Variants in FXR1 observed in about 807,000 individuals in gnomAD.
The protein encoded by FXR1 is FMR1 autosomal homolog 1, also known as RNA-binding protein FXR1.
Under a neutral mutation model 84.0 loss-of-function variants are expected in FXR1, and 15 were observed. The observed-to-expected ratio is 0.18, with a 90% CI of 0.12 to 0.27. FXR1 has a LOEUF of 0.27. FXR1 is among the 10% of genes least tolerant of loss of function. FXR1 has a pLI of 1.00. For missense variants in FXR1, 480 were observed against 774.4 expected, an observed-to-expected ratio of 0.62 and a Z score of 4.51; for synonymous variants, 245 against 250.7, an observed-to-expected ratio of 0.98 and a Z score of 0.21.
chr3:180,969,135 G>C (rs1345221650), intron 14 of FXR1, among the ~76,000 whole-genome samples: 2 of 105,080 alleles, frequency 1.9e-5, no homozygotes, highest in Non-Finnish European at 4.7e-5. Context: ...CTTGTTCTTT[G>C]TTTGTTTAGA....
chr3:180,930,729 A>C (rs748429248), intron 1 of FXR1, among the ~76,000 whole-genome samples: 1 of 152,164 alleles, frequency 6.6e-6, no homozygotes, highest in Non-Finnish European at 1.5e-5. Flanking sequence ...GTGCTGACCA[A>C]AGTGATTTTT....
intron 1 of FXR1, among the ~76,000 whole-genome samples, chr3:180,923,638 A>G (rs1251583463): frequency 6.6e-6 from 1 of 152,096 alleles, no homozygotes; most frequent in Non-Finnish European, 1.5e-5. Context: ...AAGATTTACC[A>G]TGGTAGTTGT....
Position 180,964,673 on chromosome 3 carries a change from T to TTATATATATATATATA in FXR1, c.1198+1596_1198+1611dup, listed in dbSNP as rs10600370. Among the ~76,000 whole-genome samples the TTATATATATATATATA allele has an allele frequency of 4.1e-3, 565 of 136,206 alleles. 8 individuals are homozygous for TTATATATATATATATA. Among genetic ancestry groups the TTATATATATATATATA allele is most frequent in the African/African-American group, 0.015 (527 of 34,450 alleles). The allele number at this position is 136,206 out of a possible 152,430, so 89.4% of individuals were successfully genotyped here. A position where few individuals can be genotyped will look rare whatever the true frequency, so the allele number is the denominator to read the frequency against. Reference sequence around the variant, plus strand: ...TATATCAGAGGGACTTGTAGTTGATTTATATATATATATATATATATATAT... The same window carrying TTATATATATATATATA: ...TATATCAGAGGGACTTGTAGTTGATTTATATATATATATATATATATATATATATATATATATATAT... On this transcript the variant is annotated intron_variant, in intron 13 of 16. Transcript: ENST00000357559.
intron 9 of FXR1, among the ~76,000 whole-genome samples, chr3:180,954,520 A>G (rs867136352): frequency 3.9e-5 from 6 of 152,222 alleles, no homozygotes; most frequent in East Asian, 1.9e-4. Context: ...TGTTATTAAT[A>G]TGCACTACAT....
chr3:180,930,973 G>C, intron 1 of FXR1, among the ~76,000 whole-genome samples: 1 of 133,532 alleles, frequency 7.5e-6, no homozygotes, highest in East Asian at 2.5e-4. Flanking sequence ...AGGTTGCTGT[G>C]AGCCCAGATA....
intron 1 of FXR1, chr3:180,915,539 A>G (rs1445931431): frequency 3.5e-6 from 5 of 1,429,060 alleles, no homozygotes; most frequent in Non-Finnish European, 4.8e-6. Context: ...GTAATTTTGG[A>G]ACTCAGCAAA....
intron 11 of FXR1, among the ~76,000 whole-genome samples, chr3:180,962,099 TA>T (rs1712197102): frequency 6.6e-6 from 1 of 152,184 alleles, no homozygotes; most frequent in South Asian, 2.1e-4. Flanking sequence ...ATATGACCCA[TA>T]AATTATTAAA....
intron 7 of FXR1, among the ~76,000 whole-genome samples, chr3:180,950,037 G>A: frequency 6.6e-6 from 1 of 152,192 alleles, no homozygotes; most frequent in East Asian, 1.9e-4. Context: ...AGGACTAGGA[G>A]TGAGGCATCA....
chr3:180,949,813 C>T (rs1722042391), intron 7 of FXR1, among the ~76,000 whole-genome samples: 1 of 152,196 alleles, frequency 6.6e-6, no homozygotes. Flanking sequence ...TCAAACATAG[C>T]CTTTCCTTTG....
Position 180,978,003 on chromosome 3 carries a change from A to G in FXR1, c.*1711A>G, listed in dbSNP as rs550885544. 1 of 152,132 alleles carries G rather than the reference A, an allele frequency of 6.6e-6. No individual in the cohort carries two copies. Among genetic ancestry groups the G allele is most frequent in the African/African-American group, 2.4e-5 (1 of 41,530 alleles). 9.4% of individuals were successfully genotyped at this position (152,132 alleles called of 1,614,324 possible). A position where few individuals can be genotyped will look rare whatever the true frequency, so the allele number is the denominator to read the frequency against. On this transcript the variant is annotated 3_prime_UTR_variant, in exon 17 of 17. Coordinates refer to ENST00000357559, the MANE Select transcript of FXR1 (RefSeq NM_005087.4). ...GTAGTGCAACTCCTGTCCTTTATATATAAAGATATCAAGTAATTTCATGTC... is the reference window on the plus strand; with the variant it reads ...GTAGTGCAACTCCTGTCCTTTATATGTAAAGATATCAAGTAATTTCATGTC...
intron 7 of FXR1, among the ~76,000 whole-genome samples, chr3:180,949,883 C>G (rs886812701): frequency 5.9e-5 from 9 of 152,158 alleles, no homozygotes; most frequent in Non-Finnish European, 2.9e-5. Context: ...AGCTAAGAAA[C>G]TAGGGATACT....
chr3:180,951,167 G>T (rs571218874), intron 7 of FXR1, 131 bp from the exon 8 acceptor site: 8 of 596,360 alleles, frequency 1.3e-5, no homozygotes, highest in South Asian at 1.1e-4. Context: ...AGTTGGCAGT[G>T]AGCCATGATC....
intron 10 of FXR1, among the ~76,000 whole-genome samples, chr3:180,960,729 T>A (rs911828380): frequency 2.0e-5 from 3 of 152,176 alleles, no homozygotes; most frequent in African/African-American, 7.2e-5. Flanking sequence ...CCTCCCAAAG[T>A]GCTAGGATTA....
chr3:180,931,480 A>G (rs1202688849), intron 1 of FXR1, among the ~76,000 whole-genome samples: 1 of 152,060 alleles, frequency 6.6e-6, no homozygotes, highest in Non-Finnish European at 1.5e-5. Flanking sequence ...TGGCCTCCCA[A>G]AGTGCTGGCA....
chr3:180,952,777 G>A (rs1722356004), intron 8 of FXR1, among the ~76,000 whole-genome samples: 2 of 150,616 alleles, frequency 1.3e-5, no homozygotes, highest in South Asian at 4.2e-4. Context: ...CATGTAGTGT[G>A]CACACAATAA....
At chr3:180,922,980 A>AT (rs940427561) in intron 1 of FXR1, among the ~76,000 whole-genome samples, 31 of 150,360 alleles carry the variant, frequency 2.1e-4, no homozygotes, top group South Asian at 8.4e-4. Flanking sequence ...TTTTAACATA[A>AT]TTTTTTTTTT....
At chr3:180,938,554 T>C (rs1720780585) in intron 3 of FXR1, among the ~76,000 whole-genome samples, 1 of 152,152 alleles carries the variant, frequency 6.6e-6, no homozygotes, top group African/African-American at 2.4e-5. Flanking sequence ...TTTTTTATTT[T>C]ATTTTATTTT....
intron 1 of FXR1, chr3:180,915,473 C>A (rs777166800): frequency 1.4e-6 from 2 of 1,427,758 alleles, no homozygotes; most frequent in South Asian, 2.5e-5. Context: ...AGCGTAGAAG[C>A]AATTTAATTT....
chr3:180,944,515 C>T (rs979084418), intron 3 of FXR1, among the ~76,000 whole-genome samples: 14 of 151,816 alleles, frequency 9.2e-5, no homozygotes, highest in African/African-American at 2.4e-4. Context: ...TTTATAGAGA[C>T]GAAATCTTCC....
Sources: gnomAD v4.1 joint callset for allele counts (sites outside exome capture counted in the v4.1 genomes callset) on GRCh38, gnomAD v4.1.1 for gene constraint, MANE v1.5 for transcripts, NCBI Gene and HGNC (gene_info 2026-07-23, HGNC 2026-07-21) for gene names.